The following MDGA2 variants were observed in gnomAD, a reference collection of about 807,000 sequenced individuals.
MDGA2 encodes the protein MAM domain-containing glycosylphosphatidylinositol anchor protein 2.
Under a neutral mutation model 117.8 loss-of-function variants are expected in MDGA2, and 40 were observed. The observed-to-expected ratio is 0.34, with a 90% confidence interval of 0.26 to 0.44. The LOEUF is 0.44. Ranked by LOEUF, MDGA2 falls within the 20% of genes least tolerant of loss-of-function variation. The pLI, the probability that MDGA2 is intolerant of heterozygous loss-of-function variation, is 1.00. For synonymous variants in MDGA2, 452 were observed against 439.0 expected, an observed-to-expected ratio of 1.03 and a Z score of -0.37; for missense variants, 1,123 against 1,250.6, an observed-to-expected ratio of 0.90 and a Z score of 1.54.
chr14:47,230,707 T>C (rs956028530), intron 2 of MDGA2, among the ~76,000 whole-genome samples: 1 of 151,940 alleles, frequency 6.6e-6, no homozygotes, highest in Admixed American at 6.6e-5. Context: ...TAAATGACCT[T>C]TACATCTGTC....
chr14:47,182,197 AT>A (rs891749957), intron 3 of MDGA2, among the ~76,000 whole-genome samples: 5 of 151,966 alleles, frequency 3.3e-5, no homozygotes, highest in Admixed American at 6.6e-5. Context: ...AAAGGGGTAG[AT>A]TTTTTTTCTT....
At chr14:46,905,310 C>T (rs1378411072) in intron 10 of MDGA2, among the ~76,000 whole-genome samples, 2 of 152,068 alleles carry the variant, frequency 1.3e-5, no homozygotes, top group Admixed American at 6.6e-5. Context: ...CTTCTTGAAA[C>T]CTGTGACAAA....
At chr14:47,527,636 A>G (rs534390173) in intron 1 of MDGA2, among the ~76,000 whole-genome samples, 1 of 152,318 alleles carries the variant, frequency 6.6e-6, no homozygotes, top group Non-Finnish European at 1.5e-5. Flanking sequence ...AGTCTGGAGC[A>G]AGAGAACAGA....
chr14:47,279,910 C>T (rs1299577411), intron 2 of MDGA2, among the ~76,000 whole-genome samples: 2 of 152,130 alleles, frequency 1.3e-5, no homozygotes, highest in Non-Finnish European at 2.9e-5. Context: ...ATTTTCCAGG[C>T]TCCAGTCTGG....
chr14:47,192,263 G>A (rs1186206644), intron 3 of MDGA2, among the ~76,000 whole-genome samples: 1 of 151,960 alleles, frequency 6.6e-6, no homozygotes, highest in African/African-American at 2.4e-5. Context: ...AGTGTGAGAT[G>A]GACTAAGAGA....
intron 1 of MDGA2, among the ~76,000 whole-genome samples, chr14:47,521,062 G>A (rs898637489): frequency 1.4e-4 from 21 of 152,154 alleles, no homozygotes; most frequent in Non-Finnish European, 2.5e-4. Context: ...AATAATTAGT[G>A]AAAATAACTT....
At chr14:47,337,097 T>C (rs902091527) in intron 1 of MDGA2, among the ~76,000 whole-genome samples, 1 of 152,064 alleles carries the variant, frequency 6.6e-6, no homozygotes, top group African/African-American at 2.4e-5. Context: ...CTGATTCCAC[T>C]TACATTTCAA....
At chr14:47,043,974 C>A (rs531781240) in intron 7 of MDGA2, among the ~76,000 whole-genome samples, 6 of 152,034 alleles carry the variant, frequency 3.9e-5, no homozygotes, top group South Asian at 2.1e-4. Context: ...CATGTCATGA[C>A]GAAATGTGCA....
intron 1 of MDGA2, among the ~76,000 whole-genome samples, chr14:47,663,810 T>C (rs923290748): frequency 1.3e-5 from 2 of 152,170 alleles, no homozygotes; most frequent in Admixed American, 6.5e-5. Context: ...TAAATAAATA[T>C]ATCCCTAGGT....
intron 6 of MDGA2, among the ~76,000 whole-genome samples, chr14:47,084,511 A>C (rs1890824520): frequency 2.0e-5 from 3 of 152,102 alleles, no homozygotes; most frequent in African/African-American, 4.8e-5. Context: ...AAAAAAAAAA[A>C]AAACTGACAT....
chr14:47,273,381 C>G (rs1383027236), intron 2 of MDGA2, among the ~76,000 whole-genome samples: 2 of 152,046 alleles, frequency 1.3e-5, no homozygotes, highest in Non-Finnish European at 2.9e-5. Flanking sequence ...CTCTTTTGCT[C>G]AAGTATACTG....
intron 7 of MDGA2, among the ~76,000 whole-genome samples, chr14:47,035,544 A>G (rs1888816183): frequency 6.6e-6 from 1 of 152,234 alleles, no homozygotes. Flanking sequence ...ATTCAATTGA[A>G]AAATGGTTAA....
Position 47,242,838 on chromosome 14 carries a change from A to G in MDGA2, c.421-24643T>C, listed in dbSNP as rs555825030. On this transcript the variant is annotated intron_variant, in intron 2 of 16. Transcript: ENST00000399232. ...GGGCTGAGGAATGCTAGCGCAGGGC[A>G]CAGGACTGGCAGGCAGTTCCACCTG... is the stretch of plus-strand genomic sequence containing the variant. Among the ~76,000 whole-genome samples, 137 of 151,960 alleles carry G rather than the reference A, an allele frequency of 9.0e-4. 2 individuals are homozygous for G. The highest frequency in any genetic ancestry group is 6.9e-3 in the South Asian group (33 of 4,806).
intron 1 of MDGA2, among the ~76,000 whole-genome samples, chr14:47,622,921 G>A (rs1897076184): frequency 6.6e-6 from 1 of 152,164 alleles, no homozygotes; most frequent in African/African-American, 2.4e-5. Context: ...TGTCATTGTG[G>A]ACTATTCTAT....
chr14:47,034,864 T>C (rs1162620560), intron 8 of MDGA2, 147 bp downstream of exon 8: 1 of 741,620 alleles, frequency 1.3e-6, no homozygotes, highest in Non-Finnish European at 2.2e-6. Flanking sequence ...ATGTAGAATG[T>C]AGAAATAGTT....
chr14:47,172,279 G>T (rs958766792), intron 3 of MDGA2, among the ~76,000 whole-genome samples: 2 of 152,172 alleles, frequency 1.3e-5, no homozygotes, highest in African/African-American at 4.8e-5. Context: ...CTGTCCGACA[G>T]CTTTGAAGAG....
chr14:47,314,199 A>G (rs957731702), intron 1 of MDGA2, among the ~76,000 whole-genome samples: 12 of 152,082 alleles, frequency 7.9e-5, no homozygotes, highest in Admixed American at 5.9e-4. Flanking sequence ...TAATAATTTA[A>G]CCTTCCACAA....
intron 13 of MDGA2, 95 bp from the exon 14 acceptor site, chr14:46,873,686 A>T (rs551716495): frequency 3.6e-6 from 4 of 1,126,316 alleles, no homozygotes; most frequent in African/African-American, 3.2e-5. Context: ...CATACAAAAT[A>T]AAGATGGATA....
chr14:47,408,187 C>G (rs918607643), intron 1 of MDGA2, among the ~76,000 whole-genome samples: 1 of 150,640 alleles, frequency 6.6e-6, no homozygotes, highest in African/African-American at 2.4e-5. Flanking sequence ...TCCTGAGTAG[C>G]TGGGACTACA....
Sources: allele counts gnomAD v4.1 joint callset (sites outside exome capture counted in the v4.1 genomes callset), GRCh38; gene constraint gnomAD v4.1.1; transcripts MANE v1.5; gene names NCBI Gene and HGNC (gene_info 2026-07-23, HGNC 2026-07-21).